Variants in CDH12 observed in about 807,000 individuals in gnomAD.
CDH12 encodes the protein cadherin-12.
CDH12 carries 41 observed loss-of-function variants against 74.1 expected under a neutral mutation model. The ratio of observed to expected loss-of-function variants is 0.55; its 90% CI spans 0.43 to 0.72. The LOEUF (loss-of-function observed/expected upper bound fraction) is 0.72. CDH12 is among the 30% of genes least tolerant of loss of function. The pLI is 0.00. For missense variants in CDH12, 945 were observed against 977.2 expected (o/e 0.97, Z 0.44); for synonymous variants, 399 against 355.0 (o/e 1.12, Z -1.39).
At chr5:21,992,598 T>C (rs1236034701) in intron 5 of CDH12, among the ~76,000 whole-genome samples, 2 of 152,126 alleles carry the variant, frequency 1.3e-5, no homozygotes, top group Non-Finnish European at 1.5e-5. Context: ...AACTGACACA[T>C]GAATGTTATT....
intron 10 of CDH12, among the ~76,000 whole-genome samples, chr5:21,789,300 G>C (rs978610418): frequency 9.9e-5 from 15 of 152,194 alleles, no homozygotes; most frequent in African/African-American, 3.6e-4. Flanking sequence ...TGGTTGCGAA[G>C]GAAAGAGAAA....
At chr5:22,197,306 G>C (rs1338364098) in intron 4 of CDH12, among the ~76,000 whole-genome samples, 1 of 152,062 alleles carries the variant, frequency 6.6e-6, no homozygotes, top group Non-Finnish European at 1.5e-5. Context: ...AAATTAGCTG[G>C]GCGTGGTGGC....
In CDH12 at chr5:22,480,534, G is replaced by A. The variant is rs138475461; in HGVS notation, c.-428+24736C>T. On this transcript the variant is annotated intron_variant, in intron 2 of 14. Transcript: ENST00000382254. ...CAGGAATTTGAGGCTGCAGTGAGCC[G>A]GGATTGTACCACTGCACTCGAGTGT... is the stretch of plus-strand genomic sequence containing the variant. 3.5e-3 allele frequency among the ~76,000 whole-genome samples: 524 copies of A among 151,346 alleles called. 2 individuals carry two copies. Among genetic ancestry groups the A allele is most frequent in the African/African-American group, 0.012 (492 of 41,174 alleles).
chr5:22,826,180 G>A (rs1339953516), intron 1 of CDH12, among the ~76,000 whole-genome samples: 5 of 152,102 alleles, frequency 3.3e-5, no homozygotes, highest in Non-Finnish European at 7.4e-5. Context: ...TCTTTCTTGT[G>A]CTGTTTTTAT....
chr5:21,958,293 AC>A (rs1266934504), intron 6 of CDH12, among the ~76,000 whole-genome samples: 1 of 151,998 alleles, frequency 6.6e-6, no homozygotes, highest in Non-Finnish European at 1.5e-5. Context: ...GTGAAAATGG[AC>A]TAATGAAGTT....
chr5:22,295,641 T>C (rs1405660330), intron 3 of CDH12, among the ~76,000 whole-genome samples: 1 of 152,148 alleles, frequency 6.6e-6, no homozygotes, highest in East Asian at 1.9e-4. Context: ...GTGTTACATC[T>C]ACACATCATG....
intron 2 of CDH12, among the ~76,000 whole-genome samples, chr5:22,465,463 T>C (rs1056710264): frequency 4.6e-5 from 7 of 152,080 alleles, no homozygotes; most frequent in Non-Finnish European, 4.4e-5. Flanking sequence ...CTGGGTAACA[T>C]AGGGAGAACC....
intron 1 of CDH12, among the ~76,000 whole-genome samples, chr5:22,662,105 G>A (rs771476574): frequency 1.4e-4 from 21 of 152,074 alleles, no homozygotes; most frequent in Non-Finnish European, 2.6e-4. Flanking sequence ...AACTCGCAGT[G>A]AGGATACTAC....
intron 6 of CDH12, among the ~76,000 whole-genome samples, chr5:21,948,538 G>T (rs1172284959): frequency 6.6e-6 from 1 of 152,092 alleles, no homozygotes; most frequent in East Asian, 1.9e-4. Flanking sequence ...TAACTAACTT[G>T]CTTTTGATTT....
chr5:21,973,879 A>G (rs1756956461), intron 6 of CDH12, among the ~76,000 whole-genome samples: 1 of 152,190 alleles, frequency 6.6e-6, no homozygotes, highest in African/African-American at 2.4e-5. Context: ...AGCAATAATA[A>G]CAGTGCATAA....
At chr5:21,813,416 G>T (rs1747862027) in intron 9 of CDH12, among the ~76,000 whole-genome samples, 1 of 152,038 alleles carries the variant, frequency 6.6e-6, no homozygotes, top group Admixed American at 6.6e-5. Flanking sequence ...GGAGACAGAG[G>T]TTGCAGTGAG....
Position 22,461,849 on chromosome 5 carries a change from G to A in CDH12, c.-428+43421C>T, listed in dbSNP as rs149104757. Among the ~76,000 whole-genome samples the A allele has an allele frequency of 3.8e-3, 570 of 149,412 alleles. 6 individuals are homozygous for A. Among genetic ancestry groups the A allele is most frequent in the African/African-American group, 0.014 (548 of 40,590 alleles). On this transcript the variant is annotated intron_variant, in intron 2 of 14. Coordinates refer to ENST00000382254, the MANE Select transcript of CDH12 (RefSeq NM_004061.5). ...TCCATTTCTATAGAATTTATTAAAT[G>A]TTATATGAGCATATGAATAGTACAA...
At chr5:22,510,304 C>A (rs1736547893) in intron 1 of CDH12, among the ~76,000 whole-genome samples, 1 of 151,978 alleles carries the variant, frequency 6.6e-6, no homozygotes, top group Non-Finnish European at 1.5e-5. Context: ...AAGAACAAAA[C>A]CCAAGAAGTT....
intron 5 of CDH12, among the ~76,000 whole-genome samples, chr5:21,992,080 T>C (rs993860746): frequency 2.6e-5 from 4 of 152,026 alleles, no homozygotes; most frequent in Non-Finnish European, 5.9e-5. Context: ...TGAGAGATCA[T>C]TTTTTTAAAG....
At chr5:22,706,237 T>C (rs1162499213) in intron 1 of CDH12, among the ~76,000 whole-genome samples, 1 of 152,102 alleles carries the variant, frequency 6.6e-6, no homozygotes, top group Non-Finnish European at 1.5e-5. Flanking sequence ...TTTTAATATG[T>C]AGATAGAGTG....
At chr5:22,508,804 T>C (rs941790349) in intron 1 of CDH12, among the ~76,000 whole-genome samples, 6 of 152,140 alleles carry the variant, frequency 3.9e-5, no homozygotes, top group African/African-American at 7.2e-5. Flanking sequence ...AACCAATGTA[T>C]GTCTTACATG....
chr5:22,478,843 A>C (rs1186723323), intron 2 of CDH12, among the ~76,000 whole-genome samples: 2 of 152,186 alleles, frequency 1.3e-5, no homozygotes, highest in African/African-American at 4.8e-5. Flanking sequence ...TAACAGACTG[A>C]TGCTATCATT....
At chr5:22,352,331 C>A (rs547335022) in intron 3 of CDH12, among the ~76,000 whole-genome samples, 1 of 151,900 alleles carries the variant, frequency 6.6e-6, no homozygotes, top group South Asian at 2.1e-4. Context: ...ATATCCCTGA[C>A]CTTTTTTTTC....
At chr5:22,301,696 A>T (rs147296285) in intron 3 of CDH12, among the ~76,000 whole-genome samples, 1 of 151,888 alleles carries the variant, frequency 6.6e-6, no homozygotes, top group Non-Finnish European at 1.5e-5. Flanking sequence ...CAGCGGCTTG[A>T]TCTTGGCTCA....
Sources: gnomAD v4.1 joint callset for allele counts (sites outside exome capture counted in the v4.1 genomes callset) on GRCh38, gnomAD v4.1.1 for gene constraint, MANE v1.5 for transcripts, NCBI Gene and HGNC (gene_info 2026-07-23, HGNC 2026-07-21) for gene names.